WDR41: variants seen among roughly 807,000 people sequenced by gnomAD.
The protein encoded by WDR41 is WD repeat domain 41, also known as WD repeat-containing protein 41.
In WDR41, 63 loss-of-function variants were observed where a neutral mutation model predicts 69.3. The observed-to-expected ratio is 0.91, with a 90% CI of 0.74 to 1.12. The LOEUF (loss-of-function observed/expected upper bound fraction) is 1.12, where lower values mean the gene tolerates loss of function less well. Ranked by LOEUF, WDR41 falls within the 50% of genes most tolerant of loss-of-function variation. The probability of loss-of-function intolerance (pLI) is 0.00; values close to 1 mark genes in which losing one functional copy is unlikely to be tolerated. For missense variants in WDR41, 543 were observed against 534.5 expected, an observed-to-expected ratio of 1.02 and a Z score of -0.16; for synonymous variants, 185 against 192.1, an observed-to-expected ratio of 0.96 and a Z score of 0.31.
At chr5:77,555,111 A>G (rs1053733147) in intron 1 of WDR41, among the ~76,000 whole-genome samples, 7 of 152,022 alleles carry the variant, frequency 4.6e-5, no homozygotes, top group Non-Finnish European at 8.8e-5. Flanking sequence ...ATACAAGTAT[A>G]TAGAACTTAA....
Position 77,464,258 on chromosome 5 carries a change from G to C in WDR41, c.216+503C>G, listed in dbSNP as rs187986348. Among the ~76,000 whole-genome samples the C allele has an allele frequency of 1.8e-3, 195 of 107,166 alleles. 2 individuals are homozygous for C. In the East Asian group the frequency reaches 0.047, roughly 26 times the overall value. The allele number at this position is 107,166 out of a possible 152,430, so 70.3% of individuals were successfully genotyped here. On this transcript the variant is annotated intron_variant, in intron 3 of 12. Coordinates refer to ENST00000296679, the MANE Select transcript of WDR41 (RefSeq NM_018268.4). ...TTTGAATTTTCATACTTTGGCATTT[G>C]TTTCTTAGGAAAAAACTTTTTTTTT...
Position 77,486,718 on chromosome 5 carries a change from C to A in WDR41, c.167+2739G>T, listed in dbSNP as rs571285684. ...TTCAGCTGAAATGAACCAGCCAGCC[C>A]CCGCCAATCTACCAGCTGACAGAGG... On this transcript the variant is annotated intron_variant, in intron 2 of 12. Coordinates refer to ENST00000296679, the MANE Select transcript of WDR41 (RefSeq NM_018268.4). Among the ~76,000 whole-genome samples the A allele has an allele frequency of 2.8e-3, 425 of 152,246 alleles. 2 individuals are homozygous for A. Among genetic ancestry groups the A allele is most frequent in the Non-Finnish European group, 4.4e-3 (299 of 68,018 alleles).
intron 10 of WDR41, among the ~76,000 whole-genome samples, chr5:77,437,824 C>T (rs1399524680): frequency 6.6e-6 from 1 of 152,082 alleles, no homozygotes; most frequent in Admixed American, 6.6e-5. Flanking sequence ...AGAAGCTCAG[C>T]AGCAAATCTA....
At chr5:77,478,027 T>A (rs1391771035) in intron 2 of WDR41, among the ~76,000 whole-genome samples, 1 of 151,968 alleles carries the variant, frequency 6.6e-6, no homozygotes, top group African/African-American at 2.4e-5. Flanking sequence ...CAAACTACCA[T>A]CAGAGAATAT....
chr5:77,612,287 T>C (rs1186533866), intron 1 of WDR41, among the ~76,000 whole-genome samples: 1 of 152,198 alleles, frequency 6.6e-6, no homozygotes, highest in African/African-American at 2.4e-5. Flanking sequence ...TCCTAACTAA[T>C]TTTATGAGGC....
Position 77,438,272 on chromosome 5 carries a change from G to A in WDR41, c.972C>T (p.Ser324=). ...VIACQKTAHD[S]NVLHVARLPN... ...GAAGTCTGGCAACGTGCAGGACATT[G>A]GAGTCATGTGCAGTTTTCTGGCAGG... Residue 324 remains serine (S), a synonymous_variant, in exon 10 of 13, where the codon TCC becomes TCT. Coordinates refer to ENST00000296679, the MANE Select transcript of WDR41 (RefSeq NM_018268.4). The A allele has an allele frequency of 6.2e-7, 1 of 1,614,052 alleles. No homozygotes were observed. Among genetic ancestry groups the A allele is most frequent in the Non-Finnish European group, 8.5e-7 (1 of 1,179,914 alleles).
In WDR41 at chr5:77,525,834, C is replaced by T. The variant is rs373544991; in HGVS notation, c.43-36262G>A. ...AGAAACAAAAAAATAGCCCAAGGCC[C>T]GGAGAGGTGTAAAGATAGTGCCAAA... On this transcript the variant is annotated intron_variant, in intron 1 of 5. Transcript: ENST00000509971. Among the ~76,000 whole-genome samples, 32 of 152,178 alleles carry T rather than the reference C, an allele frequency of 2.1e-4. No individual in the cohort carries two copies. The South Asian group carries it at 6.0e-3, about 29-fold the overall frequency.
At chr5:77,604,733 G>A (rs909698749) in intron 1 of WDR41, among the ~76,000 whole-genome samples, 1 of 152,018 alleles carries the variant, frequency 6.6e-6, no homozygotes, top group Non-Finnish European at 1.5e-5. Context: ...GACCAAAACC[G>A]ACCTAAATGA....
Position 77,436,254 on chromosome 5 carries a change from G to C in WDR41, c.1227+7C>G, listed in dbSNP as rs1264391799. Reference sequence around the variant, plus strand: ...TGCTTGGACATTCTGTGGCTAAACAGCAATACCTCCACAGATGATGAGTGT... The same window carrying C: ...TGCTTGGACATTCTGTGGCTAAACACCAATACCTCCACAGATGATGAGTGT... On this transcript the variant is annotated splice_region_variant and intron_variant, in intron 12 of 12. Coordinates refer to ENST00000296679, the MANE Select transcript of WDR41 (RefSeq NM_018268.4). 5 of 1,607,894 alleles carry C rather than the reference G, an allele frequency of 3.1e-6. No homozygotes were observed. The highest frequency in any genetic ancestry group is 4.3e-6 in the Non-Finnish European group (5 of 1,176,356).
At chr5:77,545,960 G>A (rs994468086) in intron 1 of WDR41, 16 of 488,702 alleles carry the variant, frequency 3.3e-5, no homozygotes, top group Non-Finnish European at 5.7e-5. Flanking sequence ...GTGGCTCCGT[G>A]CTGGTGACCT....
intron 1 of WDR41, among the ~76,000 whole-genome samples, chr5:77,508,929 CT>C (rs967162239): frequency 6.6e-6 from 1 of 152,130 alleles, no homozygotes; most frequent in Non-Finnish European, 1.5e-5. Context: ...CCTTCTGCCC[CT>C]TTTTTTGGTC....
rs1798783515 is a variant in WDR41 at position 77,432,964 on chromosome 5, A to G, written c.*171T>C. 1.5e-6 allele frequency: 1 copy of G among 645,330 alleles called. No individual in the cohort carries two copies. The highest frequency in any genetic ancestry group is 2.9e-5 in the East Asian group (1 of 34,636). 40.0% of individuals were successfully genotyped at this position (645,330 alleles called of 1,614,324 possible). A position where few individuals can be genotyped will look rare whatever the true frequency, so the allele number is the denominator to read the frequency against. On this transcript the variant is annotated 3_prime_UTR_variant, in exon 13 of 13. Transcript: ENST00000296679. Reference sequence around the variant, plus strand: ...TCTTTGGAGGATATACTAGGACCTGAGAAGCAACATGTTCCTGGTTGGTAG... The same window carrying G: ...TCTTTGGAGGATATACTAGGACCTGGGAAGCAACATGTTCCTGGTTGGTAG...
At chr5:77,539,613 C>T (rs1743052919) in intron 1 of WDR41, among the ~76,000 whole-genome samples, 1 of 152,096 alleles carries the variant, frequency 6.6e-6, no homozygotes, top group African/African-American at 2.4e-5. Flanking sequence ...TGGGTTTGAA[C>T]CCTGACTGCT....
At chr5:77,551,234 CAGAA>C (rs1488529730) in intron 1 of WDR41, among the ~76,000 whole-genome samples, 1 of 151,928 alleles carries the variant, frequency 6.6e-6, no homozygotes, top group East Asian at 1.9e-4. Context: ...AATAAAATTT[CAGAA>C]AGAAAGAATA....
chr5:77,533,890 G>T (rs1232361440), intron 1 of WDR41, among the ~76,000 whole-genome samples: 3 of 152,038 alleles, frequency 2.0e-5, no homozygotes, highest in African/African-American at 7.2e-5. Flanking sequence ...TTAAAGAGCT[G>T]GTCTCCCCAG....
At chr5:77,583,241 G>T (rs770334132) in intron 1 of WDR41, 2 of 643,900 alleles carry the variant, frequency 3.1e-6, no homozygotes, top group Non-Finnish European at 5.3e-6. Context: ...CTACCCACAG[G>T]CCAGGCGCCG....
At chr5:77,607,514 C>T (rs1248878890) in intron 1 of WDR41, among the ~76,000 whole-genome samples, 1 of 152,222 alleles carries the variant, frequency 6.6e-6, no homozygotes, top group African/African-American at 2.4e-5. Flanking sequence ...GATAGGCATT[C>T]TGCCAGGTCT....
chr5:77,614,368 T>A (rs1335974168), intron 1 of WDR41, among the ~76,000 whole-genome samples: 17 of 151,800 alleles, frequency 1.1e-4, no homozygotes, highest in Middle Eastern at 3.4e-3. Context: ...GTGGCACTAT[T>A]CACAATAGCA....
chr5:77,434,264 T>C (rs576891606), intron 12 of WDR41, among the ~76,000 whole-genome samples: 54 of 152,038 alleles, frequency 3.6e-4, no homozygotes, highest in South Asian at 3.1e-3. Flanking sequence ...TGAGTGGAGA[T>C]TGCGCCATTG....
Sources: allele counts gnomAD v4.1 joint callset (sites outside exome capture counted in the v4.1 genomes callset), GRCh38; gene constraint gnomAD v4.1.1; transcripts MANE v1.5; gene names NCBI Gene and HGNC (gene_info 2026-07-23, HGNC 2026-07-21).